FA2H: variants seen among roughly 807,000 people sequenced by gnomAD.
FA2H encodes the protein fatty acid alpha-hydroxylase.
FA2H carries 22 observed loss-of-function variants against 44.9 expected under a neutral mutation model. That is an observed-to-expected ratio of 0.49 (90% CI 0.35 to 0.70). The LOEUF (loss-of-function observed/expected upper bound fraction) is 0.70, where lower values mean the gene tolerates loss of function less well. Ranked by LOEUF, FA2H falls within the 30% of genes least tolerant of loss-of-function variation. FA2H has a pLI of 0.01. For missense variants in FA2H, 501 were observed against 504.9 expected (o/e 0.99, Z 0.07); for synonymous variants, 243 against 213.2 (o/e 1.14, Z -1.22).
At chr16:74,725,192 ACTCATC>A (rs1302450229) in intron 4 of FA2H, among the ~76,000 whole-genome samples, 1 of 152,036 alleles carries the variant, frequency 6.6e-6, no homozygotes, top group African/African-American at 2.4e-5. Flanking sequence ...CGCTCACCAG[ACTCATC>A]CTGGGTCAGG....
At chr16:74,752,867 G>A (rs960098515) in intron 1 of FA2H, among the ~76,000 whole-genome samples, 4 of 152,284 alleles carry the variant, frequency 2.6e-5, no homozygotes, top group South Asian at 2.1e-4. Flanking sequence ...GAGTGAAGGC[G>A]GGAGGCCATC....
chr16:74,748,258 G>A (rs1162844001), intron 1 of FA2H, among the ~76,000 whole-genome samples: 1 of 152,212 alleles, frequency 6.6e-6, no homozygotes, highest in Non-Finnish European at 1.5e-5. Context: ...AGCAAACGCC[G>A]CCCTCTTTAG....
At chr16:74,736,378 C>G (rs1374429396) in intron 2 of FA2H, among the ~76,000 whole-genome samples, 1 of 152,140 alleles carries the variant, frequency 6.6e-6, no homozygotes, top group East Asian at 1.9e-4. Context: ...AGAGGAGAGC[C>G]AGGCCAGTGC....
chr16:74,750,813 G>GTT (rs1962514707), intron 1 of FA2H, among the ~76,000 whole-genome samples: 3 of 146,734 alleles, frequency 2.0e-5, no homozygotes, highest in Non-Finnish European at 4.5e-5. Flanking sequence ...GTCTCGCTCT[G>GTT]TCAGCAGGCT....
At chr16:74,721,511 C>A (rs1961839211) in intron 4 of FA2H, among the ~76,000 whole-genome samples, 2 of 152,146 alleles carry the variant, frequency 1.3e-5, no homozygotes, top group Admixed American at 1.3e-4. Context: ...CTCACCTGCA[C>A]CCATGAACCC....
intron 1 of FA2H, among the ~76,000 whole-genome samples, chr16:74,748,815 G>C (rs1252870273): frequency 6.6e-6 from 1 of 152,242 alleles, no homozygotes; most frequent in Non-Finnish European, 1.5e-5. Flanking sequence ...TGTTGTTCGG[G>C]AAAGCTGGGG....
At chr16:74,741,384 T>A (rs1004913128) in intron 1 of FA2H, 19 of 152,254 alleles carry the variant, frequency 1.2e-4, no homozygotes, top group Admixed American at 1.2e-3. Context: ...AACCCACACG[T>A]AACCCAAGTA....
chr16:74,719,628 C>A (rs1961784953), intron 4 of FA2H, among the ~76,000 whole-genome samples: 2 of 152,180 alleles, frequency 1.3e-5, no homozygotes, highest in Non-Finnish European at 2.9e-5. Flanking sequence ...GCCTTCCCTT[C>A]CTGGGCTCAA....
rs138349754 is a variant in FA2H at position 74,740,835 on chromosome 16, T to A, written c.271-720A>T. ...GTGCCAGGCAAAGGGAGTCCCAGGGTAGCGCCCAGGGCACCTGGTGGGGCT... is the reference window on the plus strand; with the variant it reads ...GTGCCAGGCAAAGGGAGTCCCAGGGAAGCGCCCAGGGCACCTGGTGGGGCT... On this transcript the variant is annotated intron_variant, in intron 1 of 6. Coordinates refer to ENST00000219368, the MANE Select transcript of FA2H (RefSeq NM_024306.5). 5.2e-3 allele frequency among the ~76,000 whole-genome samples: 784 copies of A among 151,878 alleles called. 6 individuals are homozygous for A. The highest frequency in any genetic ancestry group is 0.01 in the Middle Eastern group (3 of 292).
intron 1 of FA2H, among the ~76,000 whole-genome samples, chr16:74,756,919 C>A (rs1031058128): frequency 2.0e-5 from 3 of 151,120 alleles, no homozygotes; most frequent in Non-Finnish European, 1.5e-5. Flanking sequence ...ACTAAGCATA[C>A]AATTATTAGT....
chr16:74,714,524 C>T (rs1363685689), intron 6 of FA2H, among the ~76,000 whole-genome samples: 2 of 151,966 alleles, frequency 1.3e-5, no homozygotes, highest in Non-Finnish European at 2.9e-5. Context: ...TGGCCCCCTC[C>T]CACCCCCCAC....
chr16:74,727,551 G>T (rs1313766254), intron 2 of FA2H, among the ~76,000 whole-genome samples, 165 bp from the exon 3 acceptor site: 1 of 152,230 alleles, frequency 6.6e-6, no homozygotes, highest in Non-Finnish European at 1.5e-5. Context: ...TGACCAAGCT[G>T]CTCATCCCAG....
intron 4 of FA2H, among the ~76,000 whole-genome samples, chr16:74,722,806 G>A (rs751623952): frequency 5.9e-5 from 9 of 151,958 alleles, no homozygotes; most frequent in Non-Finnish European, 1.2e-4. Context: ...AGTTACCTGG[G>A]AGGCTGAGGC....
intron 1 of FA2H, among the ~76,000 whole-genome samples, chr16:74,763,212 TG>T: frequency 6.6e-6 from 1 of 152,340 alleles, no homozygotes; most frequent in South Asian, 2.1e-4. Context: ...CTAGGGGCTA[TG>T]TACAAGTACC....
chr16:74,754,780 G>A (rs1348409273), intron 1 of FA2H, among the ~76,000 whole-genome samples: 1 of 152,012 alleles, frequency 6.6e-6, no homozygotes, highest in Non-Finnish European at 1.5e-5. Flanking sequence ...CTCCTGCCTC[G>A]GCCTCCCAAA....
intron 5 of FA2H, chr16:74,716,859 G>C (rs1961716914): frequency 1.9e-6 from 1 of 517,212 alleles, no homozygotes; most frequent in African/African-American, 1.9e-5. Flanking sequence ...GGGCAGGATG[G>C]GCAGGATGGG....
At position 74,714,176 on chromosome 16, in the gene FA2H, G is replaced by T; in HGVS notation, c.*14C>A. ...AGGGCCGGGCTGAGGGCAGGACGGA[G>T]GGGGTGGGAGTTGTCACTGCGTCTT... On this transcript the variant is annotated 3_prime_UTR_variant, in exon 7 of 7. Coordinates refer to ENST00000219368, the MANE Select transcript of FA2H (RefSeq NM_024306.5). 6.5e-7 allele frequency: 1 copy of T among 1,534,710 alleles called. No homozygotes were observed. The highest frequency in any genetic ancestry group is 8.8e-7 in the Non-Finnish European group (1 of 1,130,522).
intron 4 of FA2H, among the ~76,000 whole-genome samples, chr16:74,725,802 C>T (rs1961940663): frequency 6.6e-6 from 1 of 152,180 alleles, no homozygotes; most frequent in African/African-American, 2.4e-5. Flanking sequence ...ATCTTTCTCT[C>T]CCAAGTTCTC....
intron 2 of FA2H, among the ~76,000 whole-genome samples, chr16:74,732,382 T>G (rs536232920): frequency 7.9e-5 from 12 of 152,306 alleles, no homozygotes; most frequent in South Asian, 6.2e-4. Flanking sequence ...TATTGATCTA[T>G]TTTGTCTTTA....
Sources: allele counts gnomAD v4.1 joint callset (sites outside exome capture counted in the v4.1 genomes callset), GRCh38; gene constraint gnomAD v4.1.1; transcripts MANE v1.5; gene names NCBI Gene and HGNC (gene_info 2026-07-23, HGNC 2026-07-21).